Variants in CDH23 observed in about 807,000 individuals in gnomAD.
The protein encoded by CDH23 is cadherin related 23, also known as cadherin-23.
In CDH23, 189 loss-of-function variants were observed where a neutral mutation model predicts 317.1. The ratio of observed to expected loss-of-function variants is 0.60; its 90% confidence interval spans 0.53 to 0.67. The LOEUF (loss-of-function observed/expected upper bound fraction) is 0.67. CDH23 is among the 30% of genes least tolerant of loss of function. The pLI is 0.00. For synonymous variants in CDH23, 1,839 were observed against 1,876.8 expected, an observed-to-expected ratio of 0.98 and a Z score of 0.52; for missense variants, 4,401 against 4,592.4, an observed-to-expected ratio of 0.96 and a Z score of 1.20.
intron 22 of CDH23, among the ~76,000 whole-genome samples, chr10:71,697,042 G>A (rs1042765549): frequency 1.3e-5 from 2 of 152,268 alleles, no homozygotes; most frequent in Non-Finnish European, 2.9e-5. Context: ...CCTCCCAAAG[G>A]GGATTGAGGG....
chr10:71,701,681 C>A (rs1284552055), intron 22 of CDH23, among the ~76,000 whole-genome samples: 1 of 152,136 alleles, frequency 6.6e-6, no homozygotes, highest in Non-Finnish European at 1.5e-5. Flanking sequence ...TTCACATGCC[C>A]TGTCATCTCT....
chr10:71,645,245 CT>C (rs1484760017), intron 12 of CDH23, among the ~76,000 whole-genome samples: 1 of 152,244 alleles, frequency 6.6e-6, no homozygotes, highest in African/African-American at 2.4e-5. Flanking sequence ...CCCCCCGGGA[CT>C]GGCAACAGTG....
chr10:71,692,260 G>A (rs1865211249), intron 20 of CDH23, among the ~76,000 whole-genome samples: 1 of 152,054 alleles, frequency 6.6e-6, no homozygotes, highest in African/African-American at 2.4e-5. Flanking sequence ...TATATGAGTA[G>A]CTCCCTGGCC....
intron 8 of CDH23, among the ~76,000 whole-genome samples, chr10:71,574,557 T>C (rs1828093786): frequency 6.6e-6 from 1 of 152,114 alleles, no homozygotes; most frequent in Non-Finnish European, 1.5e-5. Context: ...CTCCTACTCC[T>C]GAAGCAAGCT....
chr10:71,792,121 A>G (rs1841267274), intron 47 of CDH23, among the ~76,000 whole-genome samples: 1 of 152,226 alleles, frequency 6.6e-6, no homozygotes, highest in Non-Finnish European at 1.5e-5. Context: ...GTAGCCCAGA[A>G]ACAGATACTG....
intron 14 of CDH23, among the ~76,000 whole-genome samples, chr10:71,660,066 T>C (rs1470833799): frequency 6.7e-6 from 1 of 149,946 alleles, no homozygotes; most frequent in African/African-American, 2.4e-5. Flanking sequence ...GTTCAAACGA[T>C]TCTCCTGCCT....
At chr10:71,572,677 A>AT (rs1487085277) in intron 8 of CDH23, among the ~76,000 whole-genome samples, 1 of 151,706 alleles carries the variant, frequency 6.6e-6, no homozygotes, top group Non-Finnish European at 1.5e-5. Context: ...CTTTCTTATA[A>AT]TTTTTTCCCT....
chr10:71,556,572 C>T (rs1228424208), intron 6 of CDH23, among the ~76,000 whole-genome samples: 18 of 149,138 alleles, frequency 1.2e-4, no homozygotes, highest in Middle Eastern at 3.5e-3. Context: ...GGTGACAGAG[C>T]GAGACTCGGT....
intron 18 of CDH23, among the ~76,000 whole-genome samples, chr10:71,686,595 C>T (rs1864908396): frequency 6.6e-6 from 1 of 152,138 alleles, no homozygotes; most frequent in Non-Finnish European, 1.5e-5. Flanking sequence ...GATCCTTTCC[C>T]CCTAAGAGCT....
At chr10:71,736,214 C>G (rs916281902) in intron 34 of CDH23, among the ~76,000 whole-genome samples, 1 of 152,276 alleles carries the variant, frequency 6.6e-6, no homozygotes, top group Non-Finnish European at 1.5e-5. Flanking sequence ...GGGCCCACCC[C>G]CTTTTGTTCT....
At chr10:71,501,094 CT>C (rs1426571946) in intron 3 of CDH23, among the ~76,000 whole-genome samples, 5 of 152,108 alleles carry the variant, frequency 3.3e-5, no homozygotes, top group Admixed American at 1.3e-4. Context: ...TCTTGAACTC[CT>C]GACCTGAAGT....
Position 71,812,485 on chromosome 10 carries a change from A to T in CDH23, c.9386A>T (p.Asn3129Ile). The T allele has an allele frequency of 6.4e-7, 1 of 1,559,294 alleles. No individual in the cohort carries two copies. Among genetic ancestry groups the T allele is most frequent in the Non-Finnish European group, 8.7e-7 (1 of 1,147,598 alleles). ...TTTTCCCTCCCCAACTGCAGAGCCAACCCTGTGTGGCTGGATCCCTTCTGT... is the reference window on the plus strand; with the variant it reads ...TTTTCCCTCCCCAACTGCAGAGCCATCCCTGTGTGGCTGGATCCCTTCTGT... ...NTNKYSFDGA[N>I]PVWLDPFCRN... The change falls in exon 67 of 70, where the codon AAC (asparagine) becomes ATC (isoleucine). Residue 3129 changes from asparagine to isoleucine, a missense_variant. Around this residue, in one of 3 missense-constraint regions of CDH23, gnomAD observed 1,144 missense variants for 1,138.2 expected, o/e 1.01. Coordinates refer to ENST00000224721, the MANE Select transcript of CDH23 (RefSeq NM_022124.6).
At chr10:71,790,223 G>A in intron 45 of CDH23, 65 bp from the exon 46 acceptor site, 1 of 1,592,508 alleles carries the variant, frequency 6.3e-7, no homozygotes, top group Non-Finnish European at 8.6e-7. Context: ...CCGGGACAGG[G>A]CAGGGGAGGT....
chr10:71,585,016 G>A (rs7089691), intron 9 of CDH23, among the ~76,000 whole-genome samples: 28,384 of 151,972 alleles, frequency 0.19, 2,779 homozygotes, highest in South Asian at 0.34. Flanking sequence ...AAGTGAACGC[G>A]GGGTCACCAG....
chr10:71,589,993 G>A (rs528177451), intron 9 of CDH23, among the ~76,000 whole-genome samples: 2 of 152,324 alleles, frequency 1.3e-5, no homozygotes, highest in South Asian at 4.1e-4. Context: ...ATGGCTGGTA[G>A]GTGATAGAAC....
chr10:71,751,763 T>C lies in CDH23; in HGVS notation c.4845+9842T>C. On this transcript the variant is annotated intron_variant, in intron 38 of 69. Transcript: ENST00000224721. This position sits in a 1 kb window ranked among gnomAD's most constrained non-coding sequence, Gnocchi z 4.9. ...CCGCCCAGACTCAGAAGGCTGCCGC[T>C]GGGCCACATAGGACAGGGGGTGCCT... 6.2e-7 allele frequency: 1 copy of C among 1,604,222 alleles called. No individual in the cohort carries two copies. The highest frequency in any genetic ancestry group is 8.5e-7 in the Non-Finnish European group (1 of 1,175,028).
At chr10:71,617,587 C>CA in intron 11 of CDH23, 194 bp downstream of exon 11, 1 of 1,380,266 alleles carries the variant, frequency 7.2e-7, no homozygotes, top group Non-Finnish European at 9.5e-7. Context: ...CTACACCCTG[C>CA]AAAAAACATG....
intron 35 of CDH23, 108 bp downstream of exon 35, chr10:71,738,755 C>A: frequency 7.6e-7 from 1 of 1,323,396 alleles, no homozygotes; most frequent in Non-Finnish European, 1.0e-6. Context: ...GCACCAGGTT[C>A]TTCCGGTCTC....
At chr10:71,490,807 T>C (rs948891943) in intron 3 of CDH23, among the ~76,000 whole-genome samples, 1 of 152,232 alleles carries the variant, frequency 6.6e-6, no homozygotes, top group Non-Finnish European at 1.5e-5. Context: ...ACTGTTATTA[T>C]TCCCATTTTA....
Sources: allele counts gnomAD v4.1 joint callset (sites outside exome capture counted in the v4.1 genomes callset), GRCh38; gene constraint gnomAD v4.1.1; regional missense constraint gnomAD v4.1.1; non-coding constraint Gnocchi (gnomAD v3.1); transcripts MANE v1.5; gene names NCBI Gene and HGNC (gene_info 2026-07-23, HGNC 2026-07-21).